The following SERINC3 variants were observed in gnomAD, a reference collection of about 807,000 sequenced individuals.
SERINC3 encodes the protein tumor differentially expressed protein 1.
A neutral mutation model predicts 52.1 loss-of-function variants in SERINC3; 22 were observed. The ratio of observed to expected loss-of-function variants is 0.42; its 90% CI spans 0.30 to 0.60. SERINC3 has a LOEUF of 0.60. Among genes scored for constraint, SERINC3 ranks in the 20% least tolerant of loss-of-function variants. The probability of loss-of-function intolerance (pLI) is 0.16; values close to 1 mark genes in which losing one functional copy is unlikely to be tolerated. For missense variants in SERINC3, 564 were observed against 584.6 expected, an observed-to-expected ratio of 0.96 and a Z score of 0.36; for synonymous variants, 226 against 212.7, an observed-to-expected ratio of 1.06 and a Z score of -0.54.
At chr20:44,504,028 T>C in intron 7 of SERINC3, 33 bp from the exon 8 acceptor site, 1 of 1,544,052 alleles carries the variant, frequency 6.5e-7, no homozygotes, top group South Asian at 1.3e-5. Flanking sequence ...TATCCTTGGT[T>C]ACAGCTCATC....
chr20:44,516,798 G>A (rs1013849141), intron 1 of SERINC3, among the ~76,000 whole-genome samples: 3 of 152,080 alleles, frequency 2.0e-5, no homozygotes, highest in Non-Finnish European at 4.4e-5. Flanking sequence ...GGGCTCAAGC[G>A]ATCCTCTGGC....
chr20:44,519,853 AT>A (rs1482044261), intron 1 of SERINC3, among the ~76,000 whole-genome samples: 1 of 152,180 alleles, frequency 6.6e-6, no homozygotes, highest in Non-Finnish European at 1.5e-5. Flanking sequence ...ATACTGTCAA[AT>A]ATATGTATGT....
chr20:44,512,713 T>C (rs975617402), intron 3 of SERINC3, 88 bp downstream of exon 3: 25 of 1,040,102 alleles, frequency 2.4e-5, no homozygotes, highest in Admixed American at 1.3e-4. Context: ...ACATATTCCA[T>C]TGATTTCATC....
At chr20:44,500,522 A>T in intron 9 of SERINC3, 88 bp from the exon 10 acceptor site, 1 of 1,472,300 alleles carries the variant, frequency 6.8e-7, no homozygotes, top group South Asian at 1.2e-5. Flanking sequence ...AGGCCAAGAA[A>T]TTCTCCAGTG....
intron 3 of SERINC3, 137 bp downstream of exon 3, chr20:44,512,664 A>G: frequency 1.6e-6 from 1 of 632,902 alleles, no homozygotes; most frequent in Non-Finnish European, 2.5e-6. Flanking sequence ...ACAATTTCAC[A>G]TGCATAATAG....
At chr20:44,497,053 T>C (rs1391743492), downstream of SERINC3, among the ~76,000 whole-genome samples, 1 of 152,210 alleles carries the variant, frequency 6.6e-6, no homozygotes, top group African/African-American at 2.4e-5. Flanking sequence ...TGGCAGCCAC[T>C]GCTATTGCCT....
chr20:44,506,959 T>C lies in SERINC3; in HGVS notation c.651A>G (p.Ser217=). Residue 217 remains serine (S), a synonymous_variant, in exon 6 of 10, where the codon TCA becomes TCG. Coordinates refer to ENST00000342374, the MANE Select transcript of SERINC3 (RefSeq NM_006811.4). ...LSFTSAFYIL[S]IICVGLLYTY... ...TATAGAGCAGCCCGACACAGATGATTGACAGGATATAAAAGGCGCTTGTGA... is the reference window on the plus strand; with the variant it reads ...TATAGAGCAGCCCGACACAGATGATCGACAGGATATAAAAGGCGCTTGTGA... 1 of 1,607,544 alleles carries C rather than the reference T, an allele frequency of 6.2e-7. No homozygotes were observed.
At chr20:44,507,066 C>T in intron 5 of SERINC3, 70 bp from the exon 6 acceptor site, 4 of 1,193,350 alleles carry the variant, frequency 3.4e-6, no homozygotes, top group Non-Finnish European at 4.5e-6. Context: ...AATTTTCTTC[C>T]ACTCCATATA....
At chr20:44,510,517 T>A (rs1449611858) in intron 4 of SERINC3, among the ~76,000 whole-genome samples, 2 of 152,166 alleles carry the variant, frequency 1.3e-5, no homozygotes, top group Admixed American at 1.3e-4. Context: ...AATCCACATA[T>A]TAATAATGAG....
At position 44,501,185 on chromosome 20, in the gene SERINC3, G is replaced by A. The variant is rs375570412; in HGVS notation, c.1171C>T (p.Arg391Trp). ...TCTTTCTCGTTGTCCACAGCCCGCCGAGGCTGTCCATCTTCTTCATCACTG... is the reference window on the plus strand; with the variant it reads ...TCTTTCTCGTTGTCCACAGCCCGCCAAGGCTGTCCATCTTCTTCATCACTG... ...GASDEEDGQP[R>W]RAVDNEKEGV... The change falls in exon 9 of 10, where the codon CGG becomes TGG. Residue 391 changes from arginine to tryptophan, a missense_variant. Coordinates refer to ENST00000342374, the MANE Select transcript of SERINC3 (RefSeq NM_006811.4). 40 of 1,613,848 alleles carry A rather than the reference G, an allele frequency of 2.5e-5. No individual in the cohort carries two copies. In the African/African-American group the frequency reaches 3.6e-4, roughly 15 times the overall value.
At chr20:44,517,473 C>A (rs2064387735) in intron 1 of SERINC3, among the ~76,000 whole-genome samples, 1 of 151,998 alleles carries the variant, frequency 6.6e-6, no homozygotes, top group Non-Finnish European at 1.5e-5. Flanking sequence ...ATAACTGTGT[C>A]CTTATAAAAA....
At chr20:44,514,305 T>C (rs1461291252) in intron 1 of SERINC3, among the ~76,000 whole-genome samples, 1 of 152,238 alleles carries the variant, frequency 6.6e-6, no homozygotes, top group African/African-American at 2.4e-5. Flanking sequence ...CAGACTCTGC[T>C]GTATTAAATG....
Position 44,499,459 on chromosome 20 carries a change from G to A in SERINC3, c.*837C>T, listed in dbSNP as rs536548455. ...ATGGCTGCTAACTATAAAAGCTGTTGGAAGAAAGGGCCTTAAAATCTTAAA... is the reference window on the plus strand; with the variant it reads ...ATGGCTGCTAACTATAAAAGCTGTTAGAAGAAAGGGCCTTAAAATCTTAAA... On this transcript the variant is annotated 3_prime_UTR_variant, in exon 10 of 10. Coordinates refer to ENST00000342374, the MANE Select transcript of SERINC3 (RefSeq NM_006811.4). 6.6e-6 allele frequency: 1 copy of A among 152,398 alleles called. No homozygotes were observed. The highest frequency in any genetic ancestry group is 1.9e-4 in the East Asian group (1 of 5,324). The allele number at this position is 152,398 out of a possible 1,614,324, so 9.4% of individuals were successfully genotyped here. A position where few individuals can be genotyped will look rare whatever the true frequency, so the allele number is the denominator to read the frequency against.
chr20:44,508,658 C>A (rs1568787442), intron 5 of SERINC3, among the ~76,000 whole-genome samples: 1 of 152,116 alleles, frequency 6.6e-6, no homozygotes, highest in Non-Finnish European at 1.5e-5. Context: ...AAACTCCATG[C>A]CAGGAGCTTG....
intron 1 of SERINC3, among the ~76,000 whole-genome samples, chr20:44,518,404 G>A (rs377279658): frequency 6.7e-6 from 1 of 149,584 alleles, no homozygotes; most frequent in South Asian, 2.1e-4. Context: ...AGCTTCAACA[G>A]ATGCAGAGGA....
At chr20:44,506,375 C>A (rs1290133852) in intron 6 of SERINC3, among the ~76,000 whole-genome samples, 3 of 150,860 alleles carry the variant, frequency 2.0e-5, no homozygotes, top group Middle Eastern at 3.2e-3. Flanking sequence ...GGGTGGATCA[C>A]GAGGTCAAGA....
chr20:44,497,931 A>C lies in SERINC3; in HGVS notation c.*2365T>G, dbSNP rs2064257219. The C allele has an allele frequency of 6.6e-6, 1 of 152,226 alleles. No homozygotes were observed. The allele number at this position is 152,226 out of a possible 1,614,324, so 9.4% of individuals were successfully genotyped here. On this transcript the variant is annotated 3_prime_UTR_variant, in exon 10 of 10. Coordinates refer to ENST00000342374, the MANE Select transcript of SERINC3 (RefSeq NM_006811.4). Reference sequence around the variant, plus strand: ...TGTCAGTGCTATGTCAGTGCTAAAAATGGGTTACACTTTGCAAAATAACTT... The same window carrying C: ...TGTCAGTGCTATGTCAGTGCTAAAACTGGGTTACACTTTGCAAAATAACTT...
intron 5 of SERINC3, among the ~76,000 whole-genome samples, chr20:44,509,017 T>C (rs1358254941): frequency 6.6e-6 from 1 of 152,212 alleles, no homozygotes; most frequent in African/African-American, 2.4e-5. Flanking sequence ...ACTGAAAGCA[T>C]TTTAAAATAT....
Position 44,510,139 on chromosome 20 carries a change from C to T in SERINC3, c.476-111G>A, listed in dbSNP as rs941289800. ...ACAAGACAGAGGTGGTAAAGACATT[C>T]TGTCTCCAGCAGTACAGCAAGATTC... On this transcript the variant is annotated intron_variant, in intron 4 of 9. Coordinates refer to ENST00000342374, the MANE Select transcript of SERINC3 (RefSeq NM_006811.4). The T allele has an allele frequency of 4.0e-6, 4 of 1,011,506 alleles. No homozygotes were observed. The African/African-American group carries it at 4.8e-5, about 12-fold the overall frequency. The allele number at this position is 1,011,506 out of a possible 1,614,324, so 62.7% of individuals were successfully genotyped here.
Sources: allele counts gnomAD v4.1 joint callset (sites outside exome capture counted in the v4.1 genomes callset), GRCh38; gene constraint gnomAD v4.1.1; transcripts MANE v1.5; gene names NCBI Gene and HGNC (gene_info 2026-07-23, HGNC 2026-07-21).